DOCK9: variants seen among roughly 807,000 people sequenced by gnomAD.
DOCK9 encodes dedicator of cytokinesis 9, also known as dedicator of cytokinesis protein 9.
DOCK9 carries 89 observed loss-of-function variants against 263.3 expected under a neutral mutation model. That is an observed-to-expected ratio of 0.34 (90% CI 0.28 to 0.40). DOCK9 has a LOEUF of 0.40. Among genes scored for constraint, DOCK9 ranks in the 10% least tolerant of loss-of-function variants. The pLI, the probability that DOCK9 is intolerant of heterozygous loss-of-function variation, is 1.00. For synonymous variants in DOCK9, 976 were observed against 973.1 expected (o/e 1.00, Z -0.06); for missense variants, 2,140 against 2,603.4 (o/e 0.82, Z 3.87).
At chr13:99,018,428 T>C (rs55812769) in intron 1 of DOCK9, among the ~76,000 whole-genome samples, 34,229 of 152,174 alleles carry the variant, frequency 0.22, 3,854 homozygotes, top group Middle Eastern at 0.3. Context: ...GACTCTAGAA[T>C]AGTGGGACGA....
intron 29 of DOCK9, 54 bp downstream of exon 29, chr13:98,867,874 A>G: frequency 6.8e-7 from 1 of 1,477,782 alleles, no homozygotes; most frequent in Non-Finnish European, 9.2e-7. Context: ...AGATAATTCT[A>G]CCAGAGAAAG....
At chr13:99,062,422 A>G (rs2041231779) in intron 1 of DOCK9, among the ~76,000 whole-genome samples, 1 of 152,194 alleles carries the variant, frequency 6.6e-6, no homozygotes, top group Non-Finnish European at 1.5e-5. Context: ...CTAATTTGTC[A>G]TGTGTTATAG....
At chr13:99,056,591 C>G (rs1023315513) in intron 1 of DOCK9, among the ~76,000 whole-genome samples, 9 of 152,200 alleles carry the variant, frequency 5.9e-5, no homozygotes, top group African/African-American at 2.2e-4. Context: ...GAAGTCATTT[C>G]TGGATGGATT....
intron 45 of DOCK9, among the ~76,000 whole-genome samples, chr13:98,822,240 C>T (rs1236562059): frequency 6.6e-6 from 1 of 152,206 alleles, no homozygotes; most frequent in African/African-American, 2.4e-5. Flanking sequence ...GGGTCCTTGT[C>T]ACAGGCTTAG....
chr13:98,837,756 C>T (rs1419439324), intron 38 of DOCK9, 147 bp from the exon 39 acceptor site: 7 of 79,566 alleles, frequency 8.8e-5, no homozygotes, highest in South Asian at 4.8e-4. Context: ...GGGTGGGGGG[C>T]GGGGTGGGAG....
intron 38 of DOCK9, among the ~76,000 whole-genome samples, chr13:98,838,972 G>A (rs2093111469): frequency 6.6e-6 from 1 of 152,180 alleles, no homozygotes; most frequent in East Asian, 1.9e-4. Flanking sequence ...ATTATTGGGA[G>A]AAAATCAAGT....
At chr13:98,820,728 C>A (rs538946443) in intron 45 of DOCK9, 21 of 403,598 alleles carry the variant, frequency 5.2e-5, no homozygotes, top group Non-Finnish European at 8.7e-5. Context: ...GAACGCCTTT[C>A]TTCTCCAGAT....
chr13:99,086,079 G>A (rs2042328430), intron 1 of DOCK9: 6 of 1,255,890 alleles, frequency 4.8e-6, no homozygotes, highest in Middle Eastern at 6.0e-4. Flanking sequence ...ACTCCCTCCC[G>A]CCGGCCCCAC....
intron 52 of DOCK9, 68 bp from the exon 53 acceptor site, chr13:98,794,816 T>C: frequency 1.3e-6 from 2 of 1,556,010 alleles, no homozygotes; most frequent in Non-Finnish European, 1.8e-6. Context: ...CATGTTGCCA[T>C]GTGTGACACA....
rs539976925 is a variant in DOCK9 at position 98,999,805 on chromosome 13, G to A, written c.130-44254C>T. 2.0e-5 allele frequency among the ~76,000 whole-genome samples: 3 copies of A among 152,260 alleles called. No individual in the cohort carries two copies. In the East Asian group the frequency reaches 5.8e-4, roughly 29 times the overall value. The stretch of plus-strand genomic sequence containing the variant: ...TGTTTTACAAAACTGGTCACAAAGA[G>A]TATGATTTGGACAGAAGCCTGTATC... On this transcript the variant is annotated intron_variant, in intron 1 of 32. Transcript: ENST00000427887.
At position 98,794,304 on chromosome 13, in the gene DOCK9, C is replaced by T; in HGVS notation, c.*322G>A. 1 of 270,256 alleles carries T rather than the reference C, an allele frequency of 3.7e-6. No homozygotes were observed. Among genetic ancestry groups the T allele is most frequent in the Non-Finnish European group, 6.9e-6 (1 of 145,598 alleles). 16.7% of individuals were successfully genotyped at this position (270,256 alleles called of 1,614,324 possible). On this transcript the variant is annotated 3_prime_UTR_variant, in exon 53 of 53. Transcript: ENST00000682017. ...CCTCCCTGCCATGTAGATCCCAGAA[C>T]CTTTTTTTTCTGTAGGCCATCTATT...
chr13:98,997,442 A>G (rs1213110401), intron 1 of DOCK9, among the ~76,000 whole-genome samples: 5 of 152,244 alleles, frequency 3.3e-5, no homozygotes, highest in Non-Finnish European at 7.3e-5. Context: ...TGCTTTGCCT[A>G]AACATCTGTA....
chr13:98,872,149 C>G (rs1209504947), intron 27 of DOCK9: 2 of 152,382 alleles, frequency 1.3e-5, no homozygotes, highest in East Asian at 3.9e-4. Flanking sequence ...CTTCTTTGTT[C>G]TGCACTGTGT....
intron 1 of DOCK9, among the ~76,000 whole-genome samples, chr13:99,083,211 C>T (rs1320886508): frequency 4.0e-5 from 6 of 151,384 alleles, no homozygotes; most frequent in South Asian, 2.1e-4. Context: ...GCCGAGATCA[C>T]GCCACTGCAC....
intron 39 of DOCK9, among the ~76,000 whole-genome samples, chr13:98,832,397 G>A (rs1350118113): frequency 4.6e-5 from 7 of 152,082 alleles, no homozygotes; most frequent in East Asian, 1.9e-4. Flanking sequence ...CTTGAACAGC[G>A]ACTGTGAAGA....
At chr13:98,918,974 A>G (rs1426953434) in intron 7 of DOCK9, among the ~76,000 whole-genome samples, 3 of 152,202 alleles carry the variant, frequency 2.0e-5, no homozygotes, top group Non-Finnish European at 4.4e-5. Context: ...AAATCATGCA[A>G]TGACGTCCAA....
At chr13:99,059,361 C>T (rs2041078572) in intron 1 of DOCK9, among the ~76,000 whole-genome samples, 1 of 152,150 alleles carries the variant, frequency 6.6e-6, no homozygotes, top group Non-Finnish European at 1.5e-5. Flanking sequence ...TGTTCTTCCA[C>T]CCATGGATCA....
chr13:98,986,057 A>T (rs1396979952), intron 1 of DOCK9, among the ~76,000 whole-genome samples: 1 of 152,236 alleles, frequency 6.6e-6, no homozygotes, highest in East Asian at 1.9e-4. Context: ...AAAGCGCTCA[A>T]GTTTTCCTTT....
chr13:98,846,084 A>G, intron 37 of DOCK9, 24 bp from the exon 38 acceptor site: 1 of 1,555,744 alleles, frequency 6.4e-7, no homozygotes, highest in Non-Finnish European at 8.7e-7. Flanking sequence ...GAAATGGGAT[A>G]GAAGCAAAAG....
Sources: allele counts gnomAD v4.1 joint callset (sites outside exome capture counted in the v4.1 genomes callset), GRCh38; gene constraint gnomAD v4.1.1; transcripts MANE v1.5; gene names NCBI Gene and HGNC (gene_info 2026-07-23, HGNC 2026-07-21).